STK40: variants seen among roughly 807,000 people sequenced by gnomAD.
STK40 encodes serine/threonine kinase 40, also known as serine/threonine-protein kinase 40.
Under a neutral mutation model 47.9 loss-of-function variants are expected in STK40, and 13 were observed. The observed-to-expected ratio is 0.27, with a 90% confidence interval of 0.18 to 0.43. The LOEUF is 0.43. Ranked by LOEUF, STK40 falls within the 20% of genes least tolerant of loss-of-function variation. The pLI is 1.00. For missense variants in STK40, 460 were observed against 595.1 expected (o/e 0.77, Z 2.36); for synonymous variants, 225 against 243.2 (o/e 0.93, Z 0.69).
chr1:36,355,125 A>G, intron 5 of STK40, 81 bp downstream of exon 5: 1 of 1,428,956 alleles, frequency 7.0e-7, no homozygotes, highest in African/African-American at 1.4e-5. Context: ...GGTGCACAGG[A>G]CAGAGCTGCC....
At position 36,343,356 on chromosome 1, in the gene STK40, C is replaced by T. The variant is rs779759651; in HGVS notation, c.1089+8G>A. ...TGGGTAATGGCCCATCTGCCCTCCCCAACTCACCTCCTGGGAGCTATCCGC... is the reference window on the plus strand; with the variant it reads ...TGGGTAATGGCCCATCTGCCCTCCCTAACTCACCTCCTGGGAGCTATCCGC... On this transcript the variant is annotated splice_region_variant and intron_variant, in intron 10 of 10. Coordinates refer to ENST00000373132, the MANE Select transcript of STK40 (RefSeq NM_001282547.2). The T allele has an allele frequency of 5.6e-6, 9 of 1,610,792 alleles. No individual in the cohort carries two copies. Among genetic ancestry groups the T allele is most frequent in the South Asian group, 5.5e-5 (5 of 90,284 alleles).
chr1:36,384,951 G>A (rs1428389439), intron 1 of STK40, among the ~76,000 whole-genome samples: 1 of 152,208 alleles, frequency 6.6e-6, no homozygotes, highest in Non-Finnish European at 1.5e-5. Flanking sequence ...GTTTCCTCCA[G>A]TGACTTAAAA....
At chr1:36,361,482 C>G (rs914909975) in intron 1 of STK40, 142 bp from the exon 2 acceptor site, 40 of 1,417,644 alleles carry the variant, frequency 2.8e-5, no homozygotes, top group Middle Eastern at 1.8e-4. Context: ...AGGGGAGCAT[C>G]CAAGGCTCCA....
At chr1:36,357,216 G>A (rs115018158) in intron 4 of STK40, among the ~76,000 whole-genome samples, 3 of 152,328 alleles carry the variant, frequency 2.0e-5, no homozygotes, top group African/African-American at 7.2e-5. Context: ...TGGGGAATCT[G>A]AGGCCTAGAG....
chr1:36,357,806 G>A (rs1222793797), intron 4 of STK40, among the ~76,000 whole-genome samples: 2 of 152,098 alleles, frequency 1.3e-5, no homozygotes, highest in African/African-American at 4.8e-5. Flanking sequence ...TAGTGGAGAC[G>A]GGGTTTCACC....
In STK40 at chr1:36,344,231, C is replaced by A; in HGVS notation, c.773G>T (p.Trp258Leu). Residue 258 changes from tryptophan to leucine, a missense_variant, in exon 8 of 11, where the codon TGG becomes TTG. This residue lies in a region of STK40 where 277 missense variants were observed against 358.7 expected (regional missense o/e 0.77). Transcript: ENST00000373132. ...RPYRGKPSDM[W>L]ALGVVLFTML... ...GGTGAAGAGCACCACGCCCAGGGCC[C>A]ACATGTCACTGGGCTTGCCACGGTA... 4 of 1,612,214 alleles carry A rather than the reference C, an allele frequency of 2.5e-6. No individual in the cohort carries two copies. Among genetic ancestry groups the A allele is most frequent in the Non-Finnish European group, 3.4e-6 (4 of 1,179,226 alleles).
intron 1 of STK40, among the ~76,000 whole-genome samples, chr1:36,384,170 C>G (rs1424404233): frequency 2.6e-5 from 4 of 152,072 alleles, no homozygotes; most frequent in Non-Finnish European, 5.9e-5. Flanking sequence ...GCTGGGATTA[C>G]AGGCCTGTGC....
In STK40 at chr1:36,358,318, A is replaced by G. The variant is rs1302470052; in HGVS notation, c.263T>C (p.Met88Thr). The change falls in exon 4 of 11, where the codon ATG becomes ACG. Residue 88 changes from methionine (M) to threonine (T), a missense_variant. By Grantham distance (81) the Met-to-Thr change is moderately conservative. Transcript: ENST00000373132. The stretch of plus-strand genomic sequence containing the variant: ...CAGTGAGTACTCGGTGTGCAGCAGC[A>G]TCTTGCCCTGCCGCTCTTCCTGGCT... ...IESQEERQGKMLLHTEYSLLS... is the reference protein window; with the variant it reads ...IESQEERQGKTLLHTEYSLLS... 1.2e-6 allele frequency: 2 copies of G among 1,610,096 alleles called. No individual in the cohort carries two copies. Among genetic ancestry groups the G allele is most frequent in the African/African-American group, 2.7e-5 (2 of 74,748 alleles).
chr1:36,354,370 T>C lies in STK40; in HGVS notation c.617A>G (p.Asn206Ser), dbSNP rs1430198106. 5 of 1,613,958 alleles carry C rather than the reference T, an allele frequency of 3.1e-6. No individual in the cohort carries two copies. Among genetic ancestry groups the C allele is most frequent in the Non-Finnish European group, 3.4e-6 (4 of 1,179,946 alleles). The change falls in exon 6 of 11, where the codon AAC (asparagine) becomes AGC (serine). Residue 206 changes from asparagine (N) to serine (S), a missense_variant. This residue lies in a region of STK40 where 277 missense variants were observed against 358.7 expected (regional missense o/e 0.77). Transcript: ENST00000373132. ...GTAGAGACAGGGATCTTACCTCTTG[T>C]TGAGCACCATGTTCCCCAGCTTCAG... ...RDLKLGNMVL[N>S]KRTHRITITN...
chr1:36,348,713 G>A lies in STK40; in HGVS notation c.726C>T (p.Pro242=), dbSNP rs763037189. 16 of 1,608,392 alleles carry A rather than the reference G, an allele frequency of 9.9e-6. No homozygotes were observed. Among genetic ancestry groups the A allele is most frequent in the East Asian group, 6.7e-5 (3 of 44,544 alleles). ...ACACACACGTACCGCTGAGCACGTC[G>A]GGACTGATGTAGGCAGGGCTCCCTC... ...DQRGSPAYIS[P]DVLSGRPYRG... The change falls in exon 7 of 11, where the codon CCC becomes CCT. Residue 242 remains proline, a synonymous_variant. Coordinates refer to ENST00000373132, the MANE Select transcript of STK40 (RefSeq NM_001282547.2).
intron 1 of STK40, among the ~76,000 whole-genome samples, chr1:36,374,479 A>G (rs1296880895): frequency 6.6e-6 from 1 of 152,218 alleles, no homozygotes; most frequent in Non-Finnish European, 1.5e-5. Flanking sequence ...AAAGGGCTTC[A>G]CCAGCAGTCA....
At chr1:36,358,652 G>A (rs180869878) in intron 3 of STK40, 85 bp downstream of exon 3, 10 of 1,427,980 alleles carry the variant, frequency 7.0e-6, no homozygotes, top group Admixed American at 3.5e-5. Flanking sequence ...TCACAATGAC[G>A]CAGGTGTGAA....
chr1:36,362,050 G>A (rs1646856984), intron 1 of STK40, among the ~76,000 whole-genome samples: 1 of 152,114 alleles, frequency 6.6e-6, no homozygotes, highest in African/African-American at 2.4e-5. Context: ...AAAATTCATT[G>A]TGTATTTAAG....
At position 36,347,398 on chromosome 1, in the gene STK40, G is replaced by A. The variant is rs12745537; in HGVS notation, c.739+1302C>T. Among the ~76,000 whole-genome samples, 296 of 152,008 alleles carry A rather than the reference G, an allele frequency of 1.9e-3. 2 individuals carry two copies. Among genetic ancestry groups the A allele is most frequent in the Admixed American group, 7.6e-3 (116 of 15,290 alleles). On this transcript the variant is annotated intron_variant, in intron 7 of 10. Transcript: ENST00000373132. ...ACAGAGTCGACAGTGAAAGAGTTGC[G>A]AGAATGGGCTTTAGTGGGAGGCAGC...
intron 6 of STK40, among the ~76,000 whole-genome samples, chr1:36,352,103 C>T (rs1379156025): frequency 6.6e-6 from 1 of 152,212 alleles, no homozygotes; most frequent in African/African-American, 2.4e-5. Flanking sequence ...CAGCCCAGGG[C>T]TGGTTTGCTC....
chr1:36,350,751 C>T (rs1646745097), intron 6 of STK40, among the ~76,000 whole-genome samples: 2 of 152,236 alleles, frequency 1.3e-5, no homozygotes, highest in South Asian at 2.1e-4. Flanking sequence ...CAACAGGCCC[C>T]GGAGAGCACA....
chr1:36,341,654 GC>G lies in STK40; in HGVS notation c.*100del. On this transcript the variant is annotated 3_prime_UTR_variant, in exon 11 of 11. Transcript: ENST00000373132. ...CTGTCCCTGCCCTGTCCCTATTGTGGCCCGGGAGAGTCCAGCACTACAGGGC... is the reference window on the plus strand; with the variant it reads ...CTGTCCCTGCCCTGTCCCTATTGTGGCCGGGAGAGTCCAGCACTACAGGGC... 1 of 1,431,892 alleles carries G rather than the reference GC, an allele frequency of 7.0e-7. No individual in the cohort carries two copies. Among genetic ancestry groups the G allele is most frequent in the Non-Finnish European group, 9.6e-7 (1 of 1,043,556 alleles). 88.7% of individuals were successfully genotyped at this position (1,431,892 alleles called of 1,614,324 possible).
At chr1:36,379,561 T>C (rs1303499942) in intron 1 of STK40, among the ~76,000 whole-genome samples, 1 of 152,124 alleles carries the variant, frequency 6.6e-6, no homozygotes, top group Non-Finnish European at 1.5e-5. Flanking sequence ...TTTGTATTTT[T>C]AGTAGATACA....
intron 10 of STK40, 116 bp downstream of exon 10, chr1:36,343,248 A>C: frequency 4.3e-6 from 5 of 1,167,236 alleles, no homozygotes; most frequent in Non-Finnish European, 5.0e-6. Flanking sequence ...CTGGGGAAGA[A>C]GACCAAGGAA....
Sources: allele counts gnomAD v4.1 joint callset (sites outside exome capture counted in the v4.1 genomes callset), GRCh38; gene constraint gnomAD v4.1.1; regional missense constraint gnomAD v4.1.1; transcripts MANE v1.5; gene names NCBI Gene and HGNC (gene_info 2026-07-23, HGNC 2026-07-21).